The following DSCAML1 variants were observed in gnomAD, a reference collection of about 807,000 sequenced individuals.
DSCAML1 encodes the protein cell adhesion molecule DSCAML1.
In DSCAML1, 38 loss-of-function variants were observed where a neutral mutation model predicts 200.5. The observed-to-expected ratio is 0.19, with a 90% CI of 0.15 to 0.25. DSCAML1 has a LOEUF of 0.25. DSCAML1 is among the 10% of genes least tolerant of loss of function. The pLI, the probability that DSCAML1 is intolerant of heterozygous loss-of-function variation, is 1.00. For missense variants in DSCAML1, 2,223 were observed against 2,858.8 expected (o/e 0.78, Z 5.07); for synonymous variants, 1,215 against 1,165.0 (o/e 1.04, Z -0.87).
chr11:117,707,587 G>A (rs937849318), intron 3 of DSCAML1, among the ~76,000 whole-genome samples: 5 of 152,076 alleles, frequency 3.3e-5, no homozygotes, highest in African/African-American at 1.2e-4. Flanking sequence ...AGGCTGGAGT[G>A]CGGTGGCGTG....
intron 12 of DSCAML1, 63 bp downstream of exon 12, chr11:117,481,900 T>C: frequency 6.3e-7 from 1 of 1,594,134 alleles, no homozygotes; most frequent in South Asian, 1.1e-5. Flanking sequence ...GCAGATGTGA[T>C]AGCTGCGGGC....
chr11:117,627,206 C>T (rs770191759), intron 3 of DSCAML1, among the ~76,000 whole-genome samples: 3 of 152,130 alleles, frequency 2.0e-5, no homozygotes, highest in Non-Finnish European at 4.4e-5. Flanking sequence ...TTGTCCTGCC[C>T]ATCAGAACGG....
At chr11:117,547,873 C>T (rs1474609968) in intron 3 of DSCAML1, among the ~76,000 whole-genome samples, 2 of 152,326 alleles carry the variant, frequency 1.3e-5, no homozygotes, top group South Asian at 2.1e-4. Context: ...CCTCCAGCCA[C>T]GCTGGTCCTC....
At chr11:117,568,313 C>T (rs1204003135) in intron 3 of DSCAML1, among the ~76,000 whole-genome samples, 5 of 152,020 alleles carry the variant, frequency 3.3e-5, no homozygotes, top group Non-Finnish European at 7.4e-5. Flanking sequence ...AAAACGGGCA[C>T]AAGACAGGGA....
At chr11:117,542,089 C>T (rs1489461275) in intron 3 of DSCAML1, among the ~76,000 whole-genome samples, 1 of 152,050 alleles carries the variant, frequency 6.6e-6, no homozygotes, top group African/African-American at 2.4e-5. Flanking sequence ...TAGGGTGGAT[C>T]ACTTGAGGTC....
chr11:117,788,677 T>C (rs557380325), intron 1 of DSCAML1, among the ~76,000 whole-genome samples: 3 of 152,186 alleles, frequency 2.0e-5, no homozygotes, highest in Non-Finnish European at 4.4e-5. Flanking sequence ...TGGGAAGCCT[T>C]TTTCTTGCAT....
intron 3 of DSCAML1, among the ~76,000 whole-genome samples, chr11:117,602,693 C>T (rs979433137): frequency 6.6e-6 from 1 of 152,154 alleles, no homozygotes; most frequent in Non-Finnish European, 1.5e-5. Context: ...CTGCAACACT[C>T]AGCACAAGGT....
chr11:117,655,392 A>G (rs907564783), intron 3 of DSCAML1, among the ~76,000 whole-genome samples: 8 of 152,264 alleles, frequency 5.3e-5, no homozygotes, highest in African/African-American at 1.9e-4. Flanking sequence ...CTTTACAGGT[A>G]CTTACAACAG....
At chr11:117,482,781 A>AT (rs1185797680) in intron 11 of DSCAML1, among the ~76,000 whole-genome samples, 5 of 152,098 alleles carry the variant, frequency 3.3e-5, no homozygotes, top group Non-Finnish European at 7.4e-5. Flanking sequence ...AAAAAATGTG[A>AT]TTTTCCCTCC....
intron 3 of DSCAML1, among the ~76,000 whole-genome samples, chr11:117,556,864 T>C (rs1239511151): frequency 6.6e-6 from 1 of 152,236 alleles, no homozygotes; most frequent in East Asian, 1.9e-4. Flanking sequence ...ACCGCCGACA[T>C]GCCCACATCT....
chr11:117,531,597 C>T (rs1046932906), intron 4 of DSCAML1, among the ~76,000 whole-genome samples: 3 of 152,026 alleles, frequency 2.0e-5, no homozygotes, highest in Non-Finnish European at 4.4e-5. Context: ...CAGATAGAAT[C>T]CTCAGGCCGG....
At chr11:117,673,387 C>A (rs866373864) in intron 3 of DSCAML1, among the ~76,000 whole-genome samples, 1 of 152,158 alleles carries the variant, frequency 6.6e-6, no homozygotes, top group African/African-American at 2.4e-5. Flanking sequence ...AGACAGTCAG[C>A]TCCCCAAGCA....
intron 3 of DSCAML1, among the ~76,000 whole-genome samples, chr11:117,657,412 T>C (rs2052757483): frequency 6.6e-6 from 1 of 152,206 alleles, no homozygotes; most frequent in Non-Finnish European, 1.5e-5. Flanking sequence ...CCCTGGCCAG[T>C]AAATGAATGT....
chr11:117,797,091 G>A lies in DSCAML1; in HGVS notation c.-12C>T. The A allele has an allele frequency of 2.5e-6, 4 of 1,586,536 alleles. No homozygotes were observed. Among genetic ancestry groups the A allele is most frequent in the Non-Finnish European group, 3.4e-6 (4 of 1,167,170 alleles). On this transcript the variant is annotated 5_prime_UTR_variant, in exon 1 of 33. Coordinates refer to ENST00000651296, the MANE Select transcript of DSCAML1 (RefSeq NM_020693.4). ...GTTACCAGCCACATGCCATAAAGAG[G>A]CCCTATTCTCCGGGGAGGTGGTCCT...
rs74574046 is a variant in DSCAML1, at chr11:117,521,907, C to G, written c.938-502G>C. On this transcript the variant is annotated intron_variant, in intron 5 of 32. Coordinates refer to ENST00000651296, the MANE Select transcript of DSCAML1 (RefSeq NM_020693.4). Reference sequence around the variant, plus strand: ...CCACTGCAGGCCTGGAGCTCCCAACCTGGATCCACGTGGCAGCACCTCCCT... The same window carrying G: ...CCACTGCAGGCCTGGAGCTCCCAACGTGGATCCACGTGGCAGCACCTCCCT... Among the ~76,000 whole-genome samples the G allele has an allele frequency of 6.0e-3, 921 of 152,318 alleles. 8 individuals carry two copies. Among genetic ancestry groups the G allele is most frequent in the African/African-American group, 0.021 (872 of 41,582 alleles).
At chr11:117,481,782 G>A (rs2048926962) in intron 12 of DSCAML1, among the ~76,000 whole-genome samples, 181 bp downstream of exon 12, 1 of 152,032 alleles carries the variant, frequency 6.6e-6, no homozygotes, top group Non-Finnish European at 1.5e-5. Flanking sequence ...ATACAGTGAA[G>A]TTCTGAGACA....
intron 1 of DSCAML1, among the ~76,000 whole-genome samples, chr11:117,813,857 ATTTTG>A (rs1254085741): frequency 6.6e-6 from 1 of 151,980 alleles, no homozygotes; most frequent in Non-Finnish European, 1.5e-5. Flanking sequence ...CTTCAACACT[ATTTTG>A]TTTTATTTTT....
At chr11:117,666,279 C>T (rs889705014) in intron 3 of DSCAML1, among the ~76,000 whole-genome samples, 4 of 152,156 alleles carry the variant, frequency 2.6e-5, no homozygotes, top group Non-Finnish European at 5.9e-5. Context: ...CTGCTGTAAG[C>T]GTGCTGGGGA....
intron 4 of DSCAML1, among the ~76,000 whole-genome samples, chr11:117,530,829 A>G (rs1024250623): frequency 6.6e-6 from 1 of 152,288 alleles, no homozygotes; most frequent in Non-Finnish European, 1.5e-5. Context: ...CCAGAGGCCT[A>G]GAGAGGCTGC....
Sources: gnomAD v4.1 joint callset for allele counts (sites outside exome capture counted in the v4.1 genomes callset) on GRCh38, gnomAD v4.1.1 for gene constraint, MANE v1.5 for transcripts, NCBI Gene and HGNC (gene_info 2026-07-23, HGNC 2026-07-21) for gene names.